THUMPD2: variants seen among roughly 807,000 people sequenced by gnomAD.
THUMPD2 encodes the protein U6 snRNA (guanine-N(2))-methyltransferase THUMPD2.
In THUMPD2, 56 loss-of-function variants were observed where a neutral mutation model predicts 49.4. The observed-to-expected ratio is 1.13, with a 90% CI of 0.91 to 1.41. THUMPD2 has a LOEUF of 1.41. Ranked by LOEUF, THUMPD2 falls within the 40% of genes most tolerant of loss-of-function variation. The pLI, the probability that THUMPD2 is intolerant of heterozygous loss-of-function variation, is 0.00. For synonymous variants in THUMPD2, 237 were observed against 205.2 expected (o/e 1.15, Z -1.32); for missense variants, 709 against 594.5 (o/e 1.19, Z -2.00).
Position 39,762,832 on chromosome 2 carries a change from T to C in THUMPD2, c.804-1414A>G, listed in dbSNP as rs555297154. On this transcript the variant is annotated intron_variant, in intron 5 of 9. Coordinates refer to ENST00000505747, the MANE Select transcript of THUMPD2 (RefSeq NM_025264.5). ...GGGAAACCAGCTTTGTCCATATATA[T>C]GAAAAAATGCTCTTCTAAGCAGCAG... 4.0e-5 allele frequency among the ~76,000 whole-genome samples: 6 copies of C among 151,254 alleles called. No homozygotes were observed. In the South Asian group the frequency reaches 1.3e-3, roughly 32 times the overall value.
intron 9 of THUMPD2, among the ~76,000 whole-genome samples, chr2:39,742,162 G>C (rs1572740180): frequency 6.6e-6 from 1 of 152,178 alleles, no homozygotes; most frequent in Middle Eastern, 3.4e-3. Context: ...ACTATATTAT[G>C]CCACACTGCC....
chr2:39,775,437 A>C (rs914993308), intron 1 of THUMPD2, among the ~76,000 whole-genome samples: 2 of 152,172 alleles, frequency 1.3e-5, no homozygotes, highest in African/African-American at 4.8e-5. Flanking sequence ...GGTTTATTTT[A>C]GAAGAAGGAA....
intron 1 of THUMPD2, among the ~76,000 whole-genome samples, chr2:39,774,186 T>C (rs1371434103): frequency 2.6e-5 from 4 of 152,232 alleles, no homozygotes. Context: ...GCTGCCAAGA[T>C]AGGATCTGGC....
At position 39,744,468 on chromosome 2, in the gene THUMPD2, C is replaced by A; in HGVS notation, c.1089G>T (p.Leu363Phe). The A allele has an allele frequency of 6.4e-7, 1 of 1,566,268 alleles. No individual in the cohort carries two copies. The highest frequency in any genetic ancestry group is 1.4e-5 in the African/African-American group (1 of 71,982). ...TAATAATATCAACACTTTCTGAAGG[C>A]AATGGCAATTCTGAAATATAGAAAT... The part of the protein sequence containing the change: ...LLKISVIELP[L>F]PSESVDIIIS... Residue 363 changes from leucine (L) to phenylalanine (F), a missense_variant, in exon 9 of 10, where the codon TTG becomes TTT. Physicochemically the swap from Leu to Phe is conservative, Grantham distance 22. Coordinates refer to ENST00000505747, the MANE Select transcript of THUMPD2 (RefSeq NM_025264.5).
At chr2:39,738,404 A>T (rs1673432389) in intron 9 of THUMPD2, among the ~76,000 whole-genome samples, 1 of 151,820 alleles carries the variant, frequency 6.6e-6, no homozygotes, top group Non-Finnish European at 1.5e-5. Context: ...TCTACCAAAA[A>T]AATACAAAAA....
intron 1 of THUMPD2, 25 bp from the exon 2 acceptor site, chr2:39,771,665 A>G (rs775060657): frequency 6.3e-7 from 1 of 1,595,590 alleles, no homozygotes. Flanking sequence ...ACAGCTTTTA[A>G]TGTAGTCCAG....
chr2:39,772,029 A>C (rs746368566), intron 1 of THUMPD2, among the ~76,000 whole-genome samples: 1 of 152,024 alleles, frequency 6.6e-6, no homozygotes, highest in African/African-American at 2.4e-5. Context: ...ACTTGAATTA[A>C]ATCCAGAAGA....
At chr2:39,749,154 G>C (rs185813934) in intron 8 of THUMPD2, among the ~76,000 whole-genome samples, 1 of 152,062 alleles carries the variant, frequency 6.6e-6, no homozygotes, top group African/African-American at 2.4e-5. Context: ...ATGATGTTGT[G>C]GCCCACCAAA....
At chr2:39,738,533 T>C (rs1422135585) in intron 9 of THUMPD2, among the ~76,000 whole-genome samples, 1 of 151,756 alleles carries the variant, frequency 6.6e-6, no homozygotes, top group African/African-American at 2.4e-5. Context: ...CACTGCACTC[T>C]AGTCTGGGCA....
intron 8 of THUMPD2, among the ~76,000 whole-genome samples, chr2:39,751,029 A>G (rs1311150501): frequency 6.6e-6 from 1 of 152,288 alleles, no homozygotes; most frequent in Non-Finnish European, 1.5e-5. Flanking sequence ...CAGCAAGAAC[A>G]TGTGAACTAC....
At chr2:39,769,467 C>T (rs549404741) in intron 3 of THUMPD2, 7 of 363,552 alleles carry the variant, frequency 1.9e-5, no homozygotes, top group African/African-American at 1.5e-4. Flanking sequence ...TTTGGGAGGC[C>T]GAGGTGGTTG....
chr2:39,753,445 C>T (rs1371101207), intron 8 of THUMPD2, among the ~76,000 whole-genome samples: 2 of 152,204 alleles, frequency 1.3e-5, no homozygotes, highest in Non-Finnish European at 2.9e-5. Flanking sequence ...TTTCCCTTCT[C>T]TACTTACACT....
rs1678495368 is a variant in THUMPD2 at position 39,772,704 on chromosome 2, T to C, written c.127-1064A>G. Among the ~76,000 whole-genome samples, 4 of 152,134 alleles carry C rather than the reference T, an allele frequency of 2.6e-5. No individual in the cohort carries two copies. In the South Asian group the frequency reaches 6.2e-4, roughly 24 times the overall value. On this transcript the variant is annotated intron_variant, in intron 1 of 9. Coordinates refer to ENST00000505747, the MANE Select transcript of THUMPD2 (RefSeq NM_025264.5). The stretch of plus-strand genomic sequence containing the variant: ...CTTAAGTCCAGGATGGATGTGGGCT[T>C]TCTTGGAATTCTCTTTTTAGCAGTG...
At chr2:39,754,573 A>G (rs993829099) in intron 8 of THUMPD2, among the ~76,000 whole-genome samples, 33 of 152,296 alleles carry the variant, frequency 2.2e-4, no homozygotes, top group Admixed American at 1.0e-3. Context: ...TGGGAATTAA[A>G]TTCACTCATT....
intron 8 of THUMPD2, among the ~76,000 whole-genome samples, chr2:39,753,200 A>G (rs1051040300): frequency 6.6e-6 from 1 of 152,098 alleles, no homozygotes; most frequent in African/African-American, 2.4e-5. Context: ...AAAATGCTCT[A>G]AACTAGTTGT....
chr2:39,736,691 G>GCTAA lies in THUMPD2; in HGVS notation c.*40_*43dup. 6.5e-7 allele frequency: 1 copy of GCTAA among 1,543,930 alleles called. No homozygotes were observed. The highest frequency in any genetic ancestry group is 8.8e-7 in the Non-Finnish European group (1 of 1,141,086). On this transcript the variant is annotated 3_prime_UTR_variant, in exon 10 of 10. Transcript: ENST00000505747. ...AGAGACAGCAAACTTCTGCTGTACA[G>GCTAA]CTAACTTACAAGGGCCTGAACCCGG...
At chr2:39,745,172 C>T (rs2148194447) in intron 8 of THUMPD2, among the ~76,000 whole-genome samples, 1 of 152,264 alleles carries the variant, frequency 6.6e-6, no homozygotes, top group East Asian at 1.9e-4. Flanking sequence ...CTCCTAAATT[C>T]AGTTAAATAC....
At chr2:39,740,783 T>C (rs532693119) in intron 9 of THUMPD2, among the ~76,000 whole-genome samples, 1 of 152,186 alleles carries the variant, frequency 6.6e-6, no homozygotes, top group Non-Finnish European at 1.5e-5. Flanking sequence ...CGCAGCCCAC[T>C]GCAGCCTCCA....
At chr2:39,755,752 T>C in intron 7 of THUMPD2, 137 bp downstream of exon 7, 1 of 642,500 alleles carries the variant, frequency 1.6e-6, no homozygotes, top group Non-Finnish European at 2.5e-6. Flanking sequence ...CCTCATCATC[T>C]ATTTTGAGTA....
Sources: gnomAD v4.1 joint callset for allele counts (sites outside exome capture counted in the v4.1 genomes callset) on GRCh38, gnomAD v4.1.1 for gene constraint, MANE v1.5 for transcripts, NCBI Gene and HGNC (gene_info 2026-07-23, HGNC 2026-07-21) for gene names.